Variants in MYOM2 observed in about 807,000 individuals in gnomAD.
MYOM2 encodes the protein myomesin-2.
MYOM2 carries 254 observed loss-of-function variants against 187.6 expected under a neutral mutation model. The observed-to-expected ratio is 1.35, with a 90% confidence interval of 1.22 to 1.50. The LOEUF is 1.50. Among genes scored for constraint, MYOM2 ranks in the 40% most tolerant of loss-of-function variants. MYOM2 has a pLI of 0.00. For synonymous variants in MYOM2, 981 were observed against 753.8 expected (o/e 1.30, Z -4.94); for missense variants, 2,796 against 1,924.0 (o/e 1.45, Z -8.48).
At chr8:2,120,046 GCAAGACA>G (rs1232230806) in intron 28 of MYOM2, among the ~76,000 whole-genome samples, 3 of 152,254 alleles carry the variant, frequency 2.0e-5, no homozygotes, top group South Asian at 2.1e-4. Flanking sequence ...ACTGAAGGAG[GCAAGACA>G]GCAGCTCCTT....
At position 2,057,381 on chromosome 8, in the gene MYOM2, C is replaced by G; in HGVS notation, c.297C>G (p.Ala99=). ...CCCTGGTGGCCGCCTATGGTGAGGC[C>G]AAGCGACAGCGCTTCCTCAGCGAGC... ...YQSLVAAYGE[A]KRQRFLSELA... The change falls in exon 4 of 37, where the codon GCC becomes GCG. Residue 99 remains alanine, a synonymous_variant. Coordinates refer to ENST00000262113, the MANE Select transcript of MYOM2 (RefSeq NM_003970.4). 5 of 1,613,584 alleles carry G rather than the reference C, an allele frequency of 3.1e-6. No individual in the cohort carries two copies. Among genetic ancestry groups the G allele is most frequent in the Non-Finnish European group, 4.2e-6 (5 of 1,179,862 alleles).
At chr8:2,088,208 A>T (rs1020392657) in intron 14 of MYOM2, among the ~76,000 whole-genome samples, 3 of 151,742 alleles carry the variant, frequency 2.0e-5, no homozygotes, top group Non-Finnish European at 4.4e-5. Flanking sequence ...CCTCCCTCCC[A>T]CTCTTTCCCC....
At chr8:2,134,256 T>C (rs969555642) in intron 32 of MYOM2, among the ~76,000 whole-genome samples, 1 of 152,096 alleles carries the variant, frequency 6.6e-6, no homozygotes, top group African/African-American at 2.4e-5. Flanking sequence ...CAGGCTCTCC[T>C]CGTCTCTCTC....
At chr8:2,120,689 A>ATATTATAT in intron 28 of MYOM2, among the ~76,000 whole-genome samples, 1 of 42,416 alleles carries the variant, frequency 2.4e-5, no homozygotes, top group Non-Finnish European at 4.7e-5. Context: ...ATTATATATA[A>ATATTATAT]ATATATAATA....
At chr8:2,125,512 G>T (rs1017852852) in intron 31 of MYOM2, among the ~76,000 whole-genome samples, 4 of 151,856 alleles carry the variant, frequency 2.6e-5, no homozygotes, top group African/African-American at 9.7e-5. Flanking sequence ...GAAATCAGGA[G>T]TGCGATGCCT....
At chr8:2,055,491 G>C (rs1438697624) in intron 3 of MYOM2, among the ~76,000 whole-genome samples, 1 of 152,210 alleles carries the variant, frequency 6.6e-6, no homozygotes, top group Non-Finnish European at 1.5e-5. Context: ...AAACATTGTA[G>C]GGAAAGGCTG....
intron 21 of MYOM2, among the ~76,000 whole-genome samples, chr8:2,104,061 G>A (rs974753043): frequency 6.6e-6 from 1 of 152,186 alleles, no homozygotes. Context: ...TTCATGCTTG[G>A]CAGGGGTTGT....
chr8:2,120,689 A>ATATATATATAAATATATATTCATAATAT, intron 28 of MYOM2, among the ~76,000 whole-genome samples: 1 of 42,416 alleles, frequency 2.4e-5, no homozygotes, highest in African/African-American at 7.5e-5. Context: ...ATTATATATA[A>ATATATATATAAATATATATTCATAATAT]ATATATAATA....
At chr8:2,140,085 C>A (rs117385527) in intron 32 of MYOM2, among the ~76,000 whole-genome samples, 4,083 of 152,230 alleles carry the variant, frequency 0.027, 53 homozygotes, top group Middle Eastern at 0.048. Context: ...CCTCCCCCAG[C>A]CCCTGGTACC....
At chr8:2,068,898 G>A (rs1819117581) in intron 6 of MYOM2, among the ~76,000 whole-genome samples, 1 of 152,194 alleles carries the variant, frequency 6.6e-6, no homozygotes. Flanking sequence ...TGGTTCTGCT[G>A]GAGCTTGAGG....
intron 34 of MYOM2, 65 bp downstream of exon 34, chr8:2,141,242 G>A (rs1238557338): frequency 2.8e-6 from 4 of 1,441,444 alleles, no homozygotes; most frequent in Non-Finnish European, 3.9e-6. Flanking sequence ...CGTTTTGGCT[G>A]CATGTGGGAA....
rs778957991 is a variant in MYOM2 at position 2,143,427 on chromosome 8, C to T, written c.4051C>T (p.Pro1351Ser). The change falls in exon 36 of 37, where the codon CCT becomes TCT. Residue 1351 changes from proline to serine, a missense_variant. Physicochemically the swap from Pro to Ser is moderately conservative, Grantham distance 74. Coordinates refer to ENST00000262113, the MANE Select transcript of MYOM2 (RefSeq NM_003970.4). ...TCGTGGCAGGTTGATCGGCGGCTTG[C>T]CTGACGTGGTGACCATCATGGAAGG... ...KNRGRLIGGL[P>S]DVVTIMEGKT... 2.5e-6 allele frequency: 4 copies of T among 1,613,996 alleles called. No individual in the cohort carries two copies. Among genetic ancestry groups the T allele is most frequent in the Admixed American group, 3.3e-5 (2 of 59,996 alleles).
rs549834418 is a variant in MYOM2 at position 2,084,161 on chromosome 8, G to C, written c.1517-1102G>C. ...TTTTTTCTGTGGGTATCTAGGTGTG[G>C]ACACGGTGCACGGGTGGAGAGCAGG... On this transcript the variant is annotated intron_variant, in intron 13 of 36. Transcript: ENST00000262113. Among the ~76,000 whole-genome samples the C allele has an allele frequency of 3.3e-5, 5 of 152,308 alleles. No homozygotes were observed. In the South Asian group the frequency reaches 8.3e-4, roughly 25 times the overall value.
At chr8:2,074,151 T>A (rs888637362) in intron 10 of MYOM2, among the ~76,000 whole-genome samples, 13 of 152,226 alleles carry the variant, frequency 8.5e-5, no homozygotes, top group Non-Finnish European at 1.6e-4. Flanking sequence ...GATATACAGA[T>A]ATATATATTT....
chr8:2,060,712 C>T (rs1272192352), intron 6 of MYOM2, among the ~76,000 whole-genome samples: 1 of 151,366 alleles, frequency 6.6e-6, no homozygotes, highest in African/African-American at 2.4e-5. Flanking sequence ...CTCCCCTCCC[C>T]AGAAGCCTGC....
intron 13 of MYOM2, among the ~76,000 whole-genome samples, chr8:2,083,404 T>C (rs4875917): frequency 0.27 from 40,177 of 150,648 alleles, 5,461 homozygotes; most frequent in East Asian, 0.33. Flanking sequence ...ATGTGCCTAG[T>C]GGCATCTCAC....
intron 34 of MYOM2, among the ~76,000 whole-genome samples, chr8:2,141,862 G>A (rs771875639): frequency 6.6e-6 from 1 of 152,162 alleles, no homozygotes; most frequent in Non-Finnish European, 1.5e-5. Flanking sequence ...GTCATCATCA[G>A]GGCAGCACAT....
At chr8:2,089,163 C>A (rs1796202205) in intron 14 of MYOM2, among the ~76,000 whole-genome samples, 1 of 31,710 alleles carries the variant, frequency 3.2e-5, no homozygotes, top group South Asian at 2.3e-3. Flanking sequence ...ACTTTTACTA[C>A]CACAAAACTA....
intron 18 of MYOM2, chr8:2,098,256 G>A (rs905111034): frequency 1.3e-5 from 2 of 152,254 alleles, no homozygotes; most frequent in Non-Finnish European, 2.9e-5. Context: ...AAGCCCGGGG[G>A]AGTCGAGGCT....
Sources: gnomAD v4.1 joint callset for allele counts (sites outside exome capture counted in the v4.1 genomes callset) on GRCh38, gnomAD v4.1.1 for gene constraint, MANE v1.5 for transcripts, NCBI Gene and HGNC (gene_info 2026-07-23, HGNC 2026-07-21) for gene names.